Variants in NHSL1 observed in about 807,000 individuals in gnomAD.
The protein encoded by NHSL1 is NHS like 1.
Under a neutral mutation model 95.0 loss-of-function variants are expected in NHSL1, and 48 were observed. That is an observed-to-expected ratio of 0.51 (90% confidence interval 0.40 to 0.64). The LOEUF is 0.64. Among genes scored for constraint, NHSL1 ranks in the 30% least tolerant of loss-of-function variants. The pLI, the probability that NHSL1 is intolerant of heterozygous loss-of-function variation, is 0.00. For missense variants in NHSL1, 1,971 were observed against 2,077.7 expected (o/e 0.95, Z 1.00); for synonymous variants, 783 against 833.9 (o/e 0.94, Z 1.05).
intron 1 of NHSL1, among the ~76,000 whole-genome samples, chr6:138,592,420 G>A (rs568594709): frequency 2.0e-5 from 3 of 152,220 alleles, no homozygotes; most frequent in African/African-American, 7.2e-5. Context: ...CCAGCATGGG[G>A]AAACCCCGTC....
rs140983369 is a variant in NHSL1, at chr6:138,465,398, T to TTC, written c.339+7906_339+7907dup. On this transcript the variant is annotated intron_variant, in intron 3 of 7. Transcript: ENST00000343505. Reference sequence around the variant, plus strand: ...TGCCACCATCTCCTAACTAACTCCCTTCCTCATCATTCACACAACTACACT... The same window carrying TTC: ...TGCCACCATCTCCTAACTAACTCCCTTCTCCTCATCATTCACACAACTACACT... 7.9e-4 allele frequency among the ~76,000 whole-genome samples: 120 copies of TTC among 152,280 alleles called. 1 individual carries two copies. In the East Asian group the frequency reaches 0.022, roughly 28 times the overall value.
At position 138,431,996 on chromosome 6, in the gene NHSL1, G is replaced by A. The variant is rs573566170; in HGVS notation, c.2349C>T (p.Tyr783=). ...KSEYTDPWGY[Y]IDYTGMQEDP... ...CTTCCTGCATGCCCGTGTAGTCAAT[G>A]TAATAACCCCAGGGGTCCGTGTACT... is the stretch of plus-strand genomic sequence containing the variant. The change falls in exon 6 of 8, where the codon TAC becomes TAT. Residue 783 remains tyrosine, a synonymous_variant. Coordinates refer to ENST00000343505, the MANE Select transcript of NHSL1 (RefSeq NM_001144060.2). This position sits in a 1 kb window ranked among gnomAD's most constrained non-coding sequence, Gnocchi z 4.0. 9 of 1,551,734 alleles carry A rather than the reference G, an allele frequency of 5.8e-6. No individual in the cohort carries two copies. The South Asian group carries it at 1.1e-4, about 18-fold the overall frequency.
chr6:138,632,043 G>C (rs1705530011), intron 1 of NHSL1, among the ~76,000 whole-genome samples: 1 of 152,158 alleles, frequency 6.6e-6, no homozygotes, highest in East Asian at 1.9e-4. Flanking sequence ...GCTCACTGAA[G>C]AGCCTTTGGG....
chr6:138,563,017 A>C (rs191477614), intron 1 of NHSL1, among the ~76,000 whole-genome samples: 1 of 152,322 alleles, frequency 6.6e-6, no homozygotes, highest in Admixed American at 6.5e-5. Context: ...AAAAGTTATT[A>C]AGTCCTTGAT....
chr6:138,454,801 T>A (rs188273555), intron 3 of NHSL1, among the ~76,000 whole-genome samples: 1 of 152,392 alleles, frequency 6.6e-6, no homozygotes, highest in Non-Finnish European at 1.5e-5. Flanking sequence ...GATATGGGCA[T>A]AATCAAAGCT....
chr6:138,589,749 GACA>G, intron 1 of NHSL1, among the ~76,000 whole-genome samples: 1 of 151,948 alleles, frequency 6.6e-6, no homozygotes, highest in Non-Finnish European at 1.5e-5. Flanking sequence ...TCCCTCTGCT[GACA>G]ACCTCTGATC....
At chr6:138,474,312 C>T (rs535272256) in intron 2 of NHSL1, among the ~76,000 whole-genome samples, 1 of 152,292 alleles carries the variant, frequency 6.6e-6, no homozygotes, top group East Asian at 1.9e-4. Context: ...AAAGTTTTCT[C>T]TTTGCATAGC....
intron 1 of NHSL1, among the ~76,000 whole-genome samples, chr6:138,561,697 C>T (rs1783417323): frequency 6.6e-6 from 1 of 152,196 alleles, no homozygotes. Context: ...ACATGAGGCA[C>T]ACGCCCAAGC....
At chr6:138,580,812 T>C (rs971703706) in intron 1 of NHSL1, among the ~76,000 whole-genome samples, 1 of 152,242 alleles carries the variant, frequency 6.6e-6, no homozygotes, top group African/African-American at 2.4e-5. Flanking sequence ...GGGAAAAAGA[T>C]ACATAGGTAT....
intron 1 of NHSL1, among the ~76,000 whole-genome samples, chr6:138,630,773 AT>A (rs1784809015): frequency 6.6e-6 from 1 of 152,208 alleles, no homozygotes; most frequent in Non-Finnish European, 1.5e-5. Flanking sequence ...CTCTCTAAAT[AT>A]GCTTGAGCTA....
chr6:138,477,024 T>A (rs1015595665), intron 2 of NHSL1, among the ~76,000 whole-genome samples: 2 of 144,610 alleles, frequency 1.4e-5, no homozygotes, highest in Non-Finnish European at 1.5e-5. Context: ...TTTAAGACAA[T>A]GAGGGACTTA....
intron 1 of NHSL1, among the ~76,000 whole-genome samples, chr6:138,687,062 T>C (rs947349592): frequency 1.3e-5 from 2 of 152,126 alleles, no homozygotes; most frequent in South Asian, 2.1e-4. Context: ...ATGTGGTATG[T>C]GTCAATGAAA....
At chr6:138,673,330 A>G (rs984664058) in intron 1 of NHSL1, among the ~76,000 whole-genome samples, 2 of 152,044 alleles carry the variant, frequency 1.3e-5, no homozygotes, top group African/African-American at 4.8e-5. Flanking sequence ...AAAAAAAAAA[A>G]AGACTCTTCT....
intron 1 of NHSL1, among the ~76,000 whole-genome samples, chr6:138,596,921 G>A (rs769147694): frequency 2.0e-5 from 3 of 152,076 alleles, no homozygotes; most frequent in African/African-American, 4.8e-5. Flanking sequence ...CAGGGTTCCC[G>A]CCTTGCAATC....
chr6:138,571,974 C>G, exon 1 of NHSL1: 1 of 1,427,566 alleles, frequency 7.0e-7, no homozygotes, highest in Non-Finnish European at 9.5e-7. Flanking sequence ...GGGTTTTTTG[C>G]GTTGGCCCAG....
rs7757834 is a variant in NHSL1, at chr6:138,460,048, A to C, written c.340-12855T>G. On this transcript the variant is annotated intron_variant, in intron 3 of 7. Coordinates refer to ENST00000343505, the MANE Select transcript of NHSL1 (RefSeq NM_001144060.2). ...TGTACAGTCTTTGCCAGGTTTTGGC[A>C]TCAGTGTTAAACTAATTCATTAAAA... is the stretch of plus-strand genomic sequence containing the variant. 5.3e-3 allele frequency among the ~76,000 whole-genome samples: 812 copies of C among 152,308 alleles called. 4 individuals carry two copies. The highest frequency in any genetic ancestry group is 0.018 in the African/African-American group (752 of 41,564).
intron 5 of NHSL1, among the ~76,000 whole-genome samples, chr6:138,440,857 A>C (rs1383695701): frequency 6.6e-6 from 1 of 152,230 alleles, no homozygotes; most frequent in Non-Finnish European, 1.5e-5. Flanking sequence ...CTTTAGAAAT[A>C]ATGACTCTGA....
chr6:138,431,417 T>C lies in NHSL1; in HGVS notation c.2928A>G (p.Pro976=), dbSNP rs543402187. Residue 976 remains proline, a synonymous_variant, in exon 6 of 8, where the codon CCA becomes CCG. Transcript: ENST00000343505. The surrounding 1 kb of genome is among the most constrained non-coding windows in gnomAD (Gnocchi z 4.0). Reference sequence around the variant, plus strand: ...GGGAGCAGAAAGGAATGAGAGCTTCTGGCGGCGGAGGGGGGAACACAGGAG... The same window carrying C: ...GGGAGCAGAAAGGAATGAGAGCTTCCGGCGGCGGAGGGGGGAACACAGGAG... ...PHSPVFPPPP[P]EALIPFCSPP... The C allele has an allele frequency of 1.9e-6, 3 of 1,546,362 alleles. No homozygotes were observed. Among genetic ancestry groups the C allele is most frequent in the South Asian group, 1.2e-5 (1 of 83,816 alleles).
exon 1 of NHSL1, chr6:138,572,184 T>C: frequency 2.7e-6 from 1 of 374,292 alleles, no homozygotes; most frequent in Non-Finnish European, 4.8e-6. Context: ...CAAAAAATAA[T>C]AAACAAATAA....
Sources: allele counts gnomAD v4.1 joint callset (sites outside exome capture counted in the v4.1 genomes callset), GRCh38; gene constraint gnomAD v4.1.1; non-coding constraint Gnocchi (gnomAD v3.1); transcripts MANE v1.5; gene names NCBI Gene and HGNC (gene_info 2026-07-23, HGNC 2026-07-21).